ESRRG: variants seen among roughly 807,000 people sequenced by gnomAD.
ESRRG encodes estrogen related receptor gamma.
In ESRRG, 13 loss-of-function variants were observed where a neutral mutation model predicts 44.0. That is an observed-to-expected ratio of 0.30 (90% CI 0.19 to 0.47). ESRRG has a LOEUF of 0.47. ESRRG is among the 20% of genes least tolerant of loss of function. The pLI is 1.00. For synonymous variants in ESRRG, 215 were observed against 214.6 expected (o/e 1.00, Z -0.02); for missense variants, 395 against 580.6 (o/e 0.68, Z 3.29).
chr1:216,571,672 C>T (rs1164732795), intron 3 of ESRRG, among the ~76,000 whole-genome samples: 3 of 152,084 alleles, frequency 2.0e-5, no homozygotes, highest in Admixed American at 6.6e-5. Context: ...ACATTTACCT[C>T]ATCCTTCCCA....
chr1:217,020,178 G>GAAAAA (rs2150907368), intron 1 of ESRRG, among the ~76,000 whole-genome samples: 1 of 152,176 alleles, frequency 6.6e-6, no homozygotes, highest in African/African-American at 2.4e-5. Flanking sequence ...TAATCCCGGG[G>GAAAAA]AAAAACAGCA....
chr1:216,548,768 C>A (rs939259746), intron 5 of ESRRG, among the ~76,000 whole-genome samples: 1 of 152,040 alleles, frequency 6.6e-6, no homozygotes, highest in Non-Finnish European at 1.5e-5. Flanking sequence ...CCCCAATAGA[C>A]TCTAAGCTTT....
intron 1 of ESRRG, among the ~76,000 whole-genome samples, chr1:217,083,059 A>T (rs2091871351): frequency 6.6e-6 from 1 of 152,216 alleles, no homozygotes; most frequent in Non-Finnish European, 1.5e-5. Context: ...CTGCCTTTGT[A>T]TTATGCTTAT....
At chr1:216,985,455 C>T (rs1450406330) in intron 1 of ESRRG, among the ~76,000 whole-genome samples, 1 of 152,212 alleles carries the variant, frequency 6.6e-6, no homozygotes, top group Non-Finnish European at 1.5e-5. Flanking sequence ...TTGCTTCCTT[C>T]ATAACTAAAT....
At chr1:216,658,657 C>T (rs1213413771) in intron 2 of ESRRG, among the ~76,000 whole-genome samples, 3 of 83,870 alleles carry the variant, frequency 3.6e-5, no homozygotes, top group Non-Finnish European at 4.7e-5. Context: ...CCCATCTCTA[C>T]TAAAAATACA....
chr1:216,618,844 A>T (rs12129039), intron 3 of ESRRG, among the ~76,000 whole-genome samples: 30,071 of 152,218 alleles, frequency 0.2, 3,780 homozygotes, highest in Non-Finnish European at 0.29. Flanking sequence ...AGATATATGT[A>T]GGCACTCAGA....
intron 2 of ESRRG, among the ~76,000 whole-genome samples, chr1:216,901,250 T>C (rs773037839): frequency 2.0e-5 from 3 of 152,136 alleles, no homozygotes; most frequent in Non-Finnish European, 2.9e-5. Context: ...GTCCCCCAAG[T>C]AAAGAATTAG....
chr1:216,927,952 G>C (rs781747935), intron 2 of ESRRG, among the ~76,000 whole-genome samples: 5 of 152,142 alleles, frequency 3.3e-5, no homozygotes, highest in African/African-American at 1.2e-4. Flanking sequence ...CTTTAACTTC[G>C]AAAGAATTCA....
rs1336241451 is a variant in ESRRG, at chr1:216,958,274, T to C, written c.-105-18601A>G. 2.0e-5 allele frequency among the ~76,000 whole-genome samples: 3 copies of C among 152,206 alleles called. No individual in the cohort carries two copies. In the East Asian group the frequency reaches 5.8e-4, roughly 29 times the overall value. Reference sequence around the variant, plus strand: ...GCTTTTTTGTGGACTTATCCTTTTGTTGTTCTTGAGTAAACACCTGAGAGT... The same window carrying C: ...GCTTTTTTGTGGACTTATCCTTTTGCTGTTCTTGAGTAAACACCTGAGAGT... On this transcript the variant is annotated intron_variant, in intron 1 of 7. Transcript: ENST00000359162.
At chr1:216,685,299 T>C (rs1262153941) in intron 1 of ESRRG, among the ~76,000 whole-genome samples, 1 of 152,122 alleles carries the variant, frequency 6.6e-6, no homozygotes, top group African/African-American at 2.4e-5. Flanking sequence ...TTACAATATA[T>C]GCTGAATGTA....
chr1:216,772,476 T>C (rs1190187040), intron 2 of ESRRG, among the ~76,000 whole-genome samples: 1 of 152,110 alleles, frequency 6.6e-6, no homozygotes, highest in Middle Eastern at 3.2e-3. Flanking sequence ...AACCAATAGC[T>C]AGAGCACAAT....
intron 2 of ESRRG, among the ~76,000 whole-genome samples, chr1:216,807,200 C>A (rs991922550): frequency 6.6e-6 from 1 of 152,152 alleles, no homozygotes; most frequent in East Asian, 1.9e-4. Context: ...AAGTCTAATA[C>A]AATTGTTCCA....
intron 2 of ESRRG, among the ~76,000 whole-genome samples, chr1:216,934,386 A>G (rs1167815620): frequency 6.6e-6 from 1 of 152,174 alleles, no homozygotes; most frequent in African/African-American, 2.4e-5. Context: ...GTGAGCCAAG[A>G]TCACTCCACT....
chr1:216,545,903 C>T (rs17667808), intron 5 of ESRRG, among the ~76,000 whole-genome samples: 44,029 of 151,826 alleles, frequency 0.29, 7,368 homozygotes, highest in Admixed American at 0.4. Flanking sequence ...TCTGCTCTGC[C>T]CAAAAAATAT....
At chr1:216,664,292 C>T (rs1440450292) in intron 2 of ESRRG, among the ~76,000 whole-genome samples, 1 of 151,924 alleles carries the variant, frequency 6.6e-6, no homozygotes, top group Non-Finnish European at 1.5e-5. Flanking sequence ...CTCTGTGCCT[C>T]AAGTTCCACA....
intron 1 of ESRRG, among the ~76,000 whole-genome samples, chr1:217,055,223 G>A (rs2086843228): frequency 2.0e-5 from 3 of 152,074 alleles, no homozygotes; most frequent in Admixed American, 2.0e-4. Flanking sequence ...CCTTTCTGGT[G>A]AGGTGTTGTG....
chr1:217,051,741 A>G (rs2086080224), intron 1 of ESRRG, among the ~76,000 whole-genome samples: 1 of 152,120 alleles, frequency 6.6e-6, no homozygotes, highest in African/African-American at 2.4e-5. Flanking sequence ...TCCCATCTGG[A>G]GTCCTATTCT....
intron 1 of ESRRG, chr1:216,707,523 G>A: frequency 6.6e-7 from 1 of 1,510,718 alleles, no homozygotes; most frequent in South Asian, 1.3e-5. Context: ...GGTGAAAGTT[G>A]CAATTTGCTG....
chr1:216,930,547 C>T (rs1284488398), intron 2 of ESRRG, among the ~76,000 whole-genome samples: 1 of 152,156 alleles, frequency 6.6e-6, no homozygotes. Context: ...TAGTCTTTGT[C>T]AGGGTGGATG....
Sources: gnomAD v4.1 joint callset for allele counts (sites outside exome capture counted in the v4.1 genomes callset) on GRCh38, gnomAD v4.1.1 for gene constraint, MANE v1.5 for transcripts, NCBI Gene and HGNC (gene_info 2026-07-23, HGNC 2026-07-21) for gene names.